The following GREB1 variants were observed in gnomAD, a reference collection of about 807,000 sequenced individuals.
GREB1 encodes the protein growth regulating estrogen receptor binding 1.
GREB1 carries 106 observed loss-of-function variants against 200.7 expected under a neutral mutation model. That is an observed-to-expected ratio of 0.53 (90% CI 0.45 to 0.62). The LOEUF (loss-of-function observed/expected upper bound fraction) is 0.62, where lower values mean the gene tolerates loss of function less well. GREB1 is among the 20% of genes least tolerant of loss of function. The pLI is 0.00. For missense variants in GREB1, 2,243 were observed against 2,556.8 expected (o/e 0.88, Z 2.65); for synonymous variants, 1,132 against 1,092.4 (o/e 1.04, Z -0.72).
intron 1 of GREB1, among the ~76,000 whole-genome samples, chr2:11,521,861 G>A (rs190378375): frequency 7.4e-4 from 112 of 152,298 alleles, no homozygotes; most frequent in African/African-American, 2.6e-3. Context: ...TTAGTGGGTG[G>A]CACTGATGCT....
At position 11,510,353 on chromosome 2, in the gene GREB1, C is replaced by T. The variant is rs1225991076; in HGVS notation, c.-159+27972C>T. On this transcript the variant is annotated intron_variant, in intron 1 of 2. Transcript: ENST00000628795. ...TCAATAACTATCAGCCTGATCTATCCATCTTAAAATTCCCCCTTCAATCTT... is the reference window on the plus strand; with the variant it reads ...TCAATAACTATCAGCCTGATCTATCTATCTTAAAATTCCCCCTTCAATCTT... Among the ~76,000 whole-genome samples the T allele has an allele frequency of 3.9e-5, 6 of 152,310 alleles. No homozygotes were observed. The East Asian group carries it at 7.7e-4, about 20-fold the overall frequency.
intron 4 of GREB1, among the ~76,000 whole-genome samples, chr2:11,568,979 G>A (rs573514509): frequency 1.6e-4 from 24 of 152,294 alleles, no homozygotes; most frequent in African/African-American, 5.5e-4. Flanking sequence ...GCCCTGCAGC[G>A]GCAGGGCTCA....
intron 1 of GREB1, among the ~76,000 whole-genome samples, chr2:11,503,388 G>A (rs1012296246): frequency 6.6e-6 from 1 of 152,182 alleles, no homozygotes; most frequent in African/African-American, 2.4e-5. Flanking sequence ...GTATTTGGTA[G>A]TGTGAATATA....
chr2:11,600,961 A>G lies in GREB1; in HGVS notation c.2495A>G (p.Tyr832Cys). 1 of 1,613,370 alleles carries G rather than the reference A, an allele frequency of 6.2e-7. No individual in the cohort carries two copies. The highest frequency in any genetic ancestry group is 8.5e-7 in the Non-Finnish European group (1 of 1,179,400). Reference sequence around the variant, plus strand: ...ACACAGCACACCCTCATCAGCCCCTACAACGAGATCCACTGGCCTGCCTCC... The same window carrying G: ...ACACAGCACACCCTCATCAGCCCCTGCAACGAGATCCACTGGCCTGCCTCC... Reference protein sequence around the residue: ...LQTQHTLISPYNEIHWPASCS... With the variant: ...LQTQHTLISPCNEIHWPASCS... The change falls in exon 16 of 33, where the codon TAC becomes TGC. Residue 832 changes from tyrosine to cysteine, a missense_variant. By Grantham distance (194) the Tyr-to-Cys change is radical (BLOSUM62 -2). Coordinates refer to ENST00000381486, the MANE Select transcript of GREB1 (RefSeq NM_014668.4).
At chr2:11,587,476 C>G (rs768344517) in intron 9 of GREB1, 2 of 1,611,586 alleles carry the variant, frequency 1.2e-6, no homozygotes, top group East Asian at 4.5e-5. Context: ...ATGGACCCAT[C>G]CTGGAATCAG....
intron 1 of GREB1, among the ~76,000 whole-genome samples, chr2:11,510,722 T>G (rs1016902368): frequency 1.4e-5 from 2 of 147,058 alleles, no homozygotes; most frequent in Admixed American, 1.4e-4. Context: ...GGAGTCTTAC[T>G]CTTGTCACCC....
chr2:11,536,289 C>T (rs1390183731), intron 1 of GREB1, among the ~76,000 whole-genome samples: 1 of 152,210 alleles, frequency 6.6e-6, no homozygotes, highest in Non-Finnish European at 1.5e-5. Context: ...GTGCCCCAGG[C>T]AGTCAGCAAC....
At chr2:11,546,194 A>AT (rs1340253227) in intron 1 of GREB1, among the ~76,000 whole-genome samples, 6 of 151,582 alleles carry the variant, frequency 4.0e-5, no homozygotes, top group East Asian at 1.9e-4. Context: ...AAAAATAAAA[A>AT]AAAATAACAA....
chr2:11,529,506 G>A (rs1470462293), upstream of GREB1, among the ~76,000 whole-genome samples: 1 of 152,184 alleles, frequency 6.6e-6, no homozygotes, highest in Non-Finnish European at 1.5e-5. Flanking sequence ...TGATGATGGG[G>A]GTGTAAGTGG....
At chr2:11,570,401 TAAAA>T (rs202175567) in intron 4 of GREB1, among the ~76,000 whole-genome samples, 1,772 of 132,306 alleles carry the variant, frequency 0.013, 43 homozygotes, top group African/African-American at 0.044. Flanking sequence ...GAAACTCCAT[TAAAA>T]AAAAAAAAAA....
At chr2:11,591,452 C>T in intron 10 of GREB1, 1 of 720,036 alleles carries the variant, frequency 1.4e-6, no homozygotes, top group Non-Finnish European at 2.6e-6. Context: ...AGAGAAAATA[C>T]CAGAAGGAAA....
chr2:11,566,018 A>ATT (rs984241733), intron 3 of GREB1, among the ~76,000 whole-genome samples: 21 of 129,534 alleles, frequency 1.6e-4, no homozygotes, highest in African/African-American at 8.0e-4. Flanking sequence ...GATAACTATG[A>ATT]TTATATATAT....
chr2:11,568,397 C>T (rs1043001593), intron 4 of GREB1, among the ~76,000 whole-genome samples: 2 of 152,180 alleles, frequency 1.3e-5, no homozygotes, highest in Admixed American at 6.5e-5. Context: ...AGGGACAGCA[C>T]CACTAGACAG....
At chr2:11,582,538 C>T (rs1572802204) in intron 7 of GREB1, among the ~76,000 whole-genome samples, 1 of 152,230 alleles carries the variant, frequency 6.6e-6, no homozygotes, top group Non-Finnish European at 1.5e-5. Context: ...GGCACCTGCT[C>T]TGTGCAGGAG....
At chr2:11,589,935 C>T (rs1187317810) in intron 10 of GREB1, among the ~76,000 whole-genome samples, 1 of 152,146 alleles carries the variant, frequency 6.6e-6, no homozygotes, top group Non-Finnish European at 1.5e-5. Flanking sequence ...TGTTCATTTG[C>T]ATGGACAGGC....
At chr2:11,500,974 C>A (rs540641670) in intron 1 of GREB1, among the ~76,000 whole-genome samples, 1 of 152,256 alleles carries the variant, frequency 6.6e-6, no homozygotes, top group East Asian at 1.9e-4. Context: ...ATTTCACTCC[C>A]CAGTTCAAGC....
At position 11,494,999 on chromosome 2, in the gene GREB1, C is replaced by T. The variant is rs534103444; in HGVS notation, c.-159+12618C>T. Among the ~76,000 whole-genome samples the T allele has an allele frequency of 2.4e-4, 37 of 152,296 alleles. 1 individual carries two copies. Among genetic ancestry groups the T allele is most frequent in the Non-Finnish European group, 4.3e-4 (29 of 68,018 alleles). On this transcript the variant is annotated intron_variant, in intron 1 of 2. Transcript: ENST00000628795. ...GGCTCTCCACATCTCCTGCTCTGTT[C>T]CCATGGTGGTTGCTCTGTGTCATTC...
Position 11,592,991 on chromosome 2 carries a change from T to C in GREB1, c.1561T>C (p.Cys521Arg), listed in dbSNP as rs1354925156. ...SCNDSVHVIE[C>R]AYSLAEGLSE... ...CAACGACAGCGTGCACGTCATCGAG[T>C]GTGCTTACTCCCTGGCCGAGGGCCT... Residue 521 changes from cysteine to arginine, a missense_variant, in exon 11 of 33, where the codon TGT becomes CGT. Coordinates refer to ENST00000381486, the MANE Select transcript of GREB1 (RefSeq NM_014668.4). 6.2e-7 allele frequency: 1 copy of C among 1,609,896 alleles called. No individual in the cohort carries two copies. Among genetic ancestry groups the C allele is most frequent in the Non-Finnish European group, 8.5e-7 (1 of 1,178,214 alleles).
Position 11,618,553 on chromosome 2 carries a change from G to T in GREB1, c.3678G>T (p.Ser1226=), listed in dbSNP as rs201477568. The part of the protein sequence containing the change: ...TSSCSQLSSS[S]GSSSSSVAPA... Reference sequence around the variant, plus strand: ...CGTGCTCCCAGCTGTCCTCCTCCTCGGGCTCATCCTCCTCATCCGTGGCGC... The same window carrying T: ...CGTGCTCCCAGCTGTCCTCCTCCTCTGGCTCATCCTCCTCATCCGTGGCGC... Residue 1226 remains serine (S), a synonymous_variant, in exon 22 of 33, where the codon TCG becomes TCT. Transcript: ENST00000381486. 3.7e-6 allele frequency: 6 copies of T among 1,612,570 alleles called. No individual in the cohort carries two copies. The African/African-American group carries it at 4.0e-5, about 11-fold the overall frequency.
Sources: allele counts gnomAD v4.1 joint callset (sites outside exome capture counted in the v4.1 genomes callset), GRCh38; gene constraint gnomAD v4.1.1; transcripts MANE v1.5; gene names NCBI Gene and HGNC (gene_info 2026-07-23, HGNC 2026-07-21).